The following MAF variants were observed in gnomAD, a reference collection of about 807,000 sequenced individuals.
MAF encodes the protein transcription factor Maf.
MAF carries 10 observed loss-of-function variants against 22.0 expected under a neutral mutation model. The ratio of observed to expected loss-of-function variants is 0.45; its 90% CI spans 0.28 to 0.77. The LOEUF (loss-of-function observed/expected upper bound fraction) is 0.77. Ranked by LOEUF, MAF falls within the 30% of genes least tolerant of loss-of-function variation. The pLI, the probability that MAF is intolerant of heterozygous loss-of-function variation, is 0.12. For synonymous variants in MAF, 337 were observed against 255.8 expected (o/e 1.32, Z -3.03); for missense variants, 544 against 548.4 (o/e 0.99, Z 0.08).
the MAF span, among the ~76,000 whole-genome samples, chr16:79,293,133 A>G: frequency 2.6e-5 from 4 of 151,996 alleles, no homozygotes; most frequent in Non-Finnish European, 5.9e-5. Flanking sequence ...CTTTCACTTT[A>G]CCCTATGGAC....
chr16:79,215,537 GCCT>G, the MAF span, among the ~76,000 whole-genome samples: 1 of 152,110 alleles, frequency 6.6e-6, no homozygotes, highest in Non-Finnish European at 1.5e-5. Context: ...GGACATGCTG[GCCT>G]CCTGCTTCCT....
At chr16:79,564,438 G>T in the MAF span, among the ~76,000 whole-genome samples, 2 of 152,200 alleles carry the variant, frequency 1.3e-5, no homozygotes, top group African/African-American at 4.8e-5. Context: ...TAGGCAAGGG[G>T]GAAGTAGCTA....
At chr16:79,358,332 G>A in the MAF span, among the ~76,000 whole-genome samples, 1 of 152,138 alleles carries the variant, frequency 6.6e-6, no homozygotes, top group African/African-American at 2.4e-5. Flanking sequence ...ACATTCCAAG[G>A]TACATCAGTA....
the MAF span, among the ~76,000 whole-genome samples, chr16:79,433,331 G>C: frequency 6.6e-6 from 1 of 150,506 alleles, no homozygotes; most frequent in African/African-American, 2.4e-5. Flanking sequence ...AGAGTTAGAA[G>C]ATTAACGGGA....
chr16:79,443,096 G>A, the MAF span, among the ~76,000 whole-genome samples: 8 of 152,284 alleles, frequency 5.3e-5, no homozygotes, highest in South Asian at 1.7e-3. Context: ...CTGCTGGAGG[G>A]ACTTTTCAAA....
At chr16:79,408,119 G>C in the MAF span, among the ~76,000 whole-genome samples, 3 of 151,224 alleles carry the variant, frequency 2.0e-5, no homozygotes, top group South Asian at 2.1e-4. Context: ...CGTGGTGGAG[G>C]GATGGTTAAA....
chr16:79,546,934 C>A, the MAF span, among the ~76,000 whole-genome samples: 1 of 152,030 alleles, frequency 6.6e-6, no homozygotes, highest in African/African-American at 2.4e-5. Context: ...ATTTTCTAAG[C>A]CAAATATTAG....
chr16:79,297,784 C>T, the MAF span, among the ~76,000 whole-genome samples: 11 of 152,274 alleles, frequency 7.2e-5, no homozygotes, highest in East Asian at 9.7e-4. Context: ...CTTCTCTATG[C>T]GAGGGACTGG....
At chr16:79,271,638 A>G in the MAF span, among the ~76,000 whole-genome samples, 1 of 152,206 alleles carries the variant, frequency 6.6e-6, no homozygotes, top group African/African-American at 2.4e-5. Context: ...ATATTAATAA[A>G]GACTGTTGAT....
chr16:79,331,361 C>T, the MAF span, among the ~76,000 whole-genome samples: 1 of 152,262 alleles, frequency 6.6e-6, no homozygotes, highest in South Asian at 2.1e-4. Context: ...TGCCAGCTGG[C>T]CCCGCTTAGG....
downstream of MAF, among the ~76,000 whole-genome samples, chr16:79,592,073 T>C (rs1913220761): frequency 6.6e-6 from 1 of 152,226 alleles, no homozygotes; most frequent in African/African-American, 2.4e-5. Flanking sequence ...ACAGGGATTA[T>C]TTCTGGGCCT....
the MAF span, among the ~76,000 whole-genome samples, chr16:79,512,235 C>T: frequency 1.3e-5 from 2 of 152,196 alleles, no homozygotes; most frequent in African/African-American, 4.8e-5. Flanking sequence ...ACCTTCAGTA[C>T]AGGTGGGCCT....
chr16:79,243,915 T>C, the MAF span, among the ~76,000 whole-genome samples: 2 of 151,936 alleles, frequency 1.3e-5, no homozygotes, highest in African/African-American at 2.4e-5. Flanking sequence ...GTTCAACATA[T>C]GCAAATCAAT....
chr16:79,312,602 G>A, the MAF span, among the ~76,000 whole-genome samples: 1 of 152,188 alleles, frequency 6.6e-6, no homozygotes, highest in African/African-American at 2.4e-5. Flanking sequence ...CTCTTACAGT[G>A]TAAGGCCTGC....
At chr16:79,515,501 G>A in the MAF span, among the ~76,000 whole-genome samples, 1 of 152,338 alleles carries the variant, frequency 6.6e-6, no homozygotes, top group South Asian at 2.1e-4. Flanking sequence ...CCAACTGTAG[G>A]CTAACGTAAG....
chr16:79,471,981 C>T, the MAF span, among the ~76,000 whole-genome samples: 1 of 152,156 alleles, frequency 6.6e-6, no homozygotes, highest in African/African-American at 2.4e-5. Flanking sequence ...GTGTAGCTTT[C>T]TAGTTAGGAA....
chr16:79,334,298 A>G, the MAF span, among the ~76,000 whole-genome samples: 1 of 152,156 alleles, frequency 6.6e-6, no homozygotes, highest in East Asian at 1.9e-4. Context: ...ATGCAAAAAC[A>G]TGGTCAAAGC....
chr16:79,426,747 A>T, the MAF span, among the ~76,000 whole-genome samples: 1 of 152,248 alleles, frequency 6.6e-6, no homozygotes, highest in African/African-American at 2.4e-5. Context: ...AGGCAAAGTG[A>T]ATTCATAAAC....
At chr16:79,262,798 A>C in the MAF span, among the ~76,000 whole-genome samples, 1 of 152,198 alleles carries the variant, frequency 6.6e-6, no homozygotes, top group African/African-American at 2.4e-5. Flanking sequence ...TAAATGGGAG[A>C]CATTCTAGAA....
Sources: gnomAD v4.1 joint callset for allele counts (sites outside exome capture counted in the v4.1 genomes callset) on GRCh38, gnomAD v4.1.1 for gene constraint, MANE v1.5 for transcripts, NCBI Gene and HGNC (gene_info 2026-07-23, HGNC 2026-07-21) for gene names.